The following AHCYL2 variants were observed in gnomAD, a reference collection of about 807,000 sequenced individuals.
AHCYL2 encodes the protein adenosylhomocysteinase like 2.
AHCYL2 carries 28 observed loss-of-function variants against 81.4 expected under a neutral mutation model. That is an observed-to-expected ratio of 0.34 (90% CI 0.25 to 0.47). The LOEUF (loss-of-function observed/expected upper bound fraction) is 0.47. Among genes scored for constraint, AHCYL2 ranks in the 20% least tolerant of loss-of-function variants. The probability of loss-of-function intolerance (pLI) is 1.00; values close to 1 mark genes in which losing one functional copy is unlikely to be tolerated. For missense variants in AHCYL2, 551 were observed against 785.1 expected, an observed-to-expected ratio of 0.70 and a Z score of 3.56; for synonymous variants, 272 against 290.2, an observed-to-expected ratio of 0.94 and a Z score of 0.64.
At chr7:129,299,382 T>G (rs1367002065) in intron 1 of AHCYL2, among the ~76,000 whole-genome samples, 5 of 38,556 alleles carry the variant, frequency 1.3e-4, no homozygotes, top group South Asian at 1.2e-3. Context: ...TTTTTTTTTT[T>G]TTTTTTTTTT....
chr7:129,346,183 G>C (rs1793356549), intron 1 of AHCYL2, among the ~76,000 whole-genome samples: 1 of 152,076 alleles, frequency 6.6e-6, no homozygotes, highest in African/African-American at 2.4e-5. Flanking sequence ...TCAGTATTGT[G>C]TCTCCTTTTT....
intron 2 of AHCYL2, among the ~76,000 whole-genome samples, chr7:129,387,036 A>G (rs974558): frequency 0.34 from 51,283 of 152,152 alleles, 9,564 homozygotes; most frequent in East Asian, 0.6. Flanking sequence ...ATTGCAGTAA[A>G]CACTTTACAT....
rs113408352 is a variant in AHCYL2 at position 129,243,166 on chromosome 7, G to A, written c.363+17727G>A. On this transcript the variant is annotated intron_variant, in intron 1 of 16. Transcript: ENST00000325006. ...CTCCTGAGTAGCTGGGATTACAGGCGCCTGCCACTGTGCCCAGCTAATTTT... is the reference window on the plus strand; with the variant it reads ...CTCCTGAGTAGCTGGGATTACAGGCACCTGCCACTGTGCCCAGCTAATTTT... Among the ~76,000 whole-genome samples the A allele has an allele frequency of 6.4e-3, 970 of 151,592 alleles. 10 individuals are homozygous for A. Among genetic ancestry groups the A allele is most frequent in the African/African-American group, 0.022 (917 of 41,352 alleles).
chr7:129,260,167 G>A (rs1387640809), intron 1 of AHCYL2, among the ~76,000 whole-genome samples: 1 of 151,452 alleles, frequency 6.6e-6, no homozygotes. Flanking sequence ...GCCAGTTAAG[G>A]CTTTTTACTT....
chr7:129,348,233 A>G (rs1262310367), intron 1 of AHCYL2, among the ~76,000 whole-genome samples: 1 of 152,228 alleles, frequency 6.6e-6, no homozygotes, highest in African/African-American at 2.4e-5. Flanking sequence ...TTAAATAAAT[A>G]TTGGTATATC....
intron 1 of AHCYL2, among the ~76,000 whole-genome samples, chr7:129,256,975 T>C (rs1001946908): frequency 6.6e-6 from 1 of 152,118 alleles, no homozygotes; most frequent in African/African-American, 2.4e-5. Flanking sequence ...TGAAGAGGCA[T>C]AGATAACCCC....
At chr7:129,351,878 T>C (rs533625196) in intron 1 of AHCYL2, among the ~76,000 whole-genome samples, 20 of 152,340 alleles carry the variant, frequency 1.3e-4, no homozygotes, top group African/African-American at 4.6e-4. Flanking sequence ...CATTTTGCAC[T>C]AATGGTATAT....
At chr7:129,339,142 C>T (rs1793068946) in intron 1 of AHCYL2, among the ~76,000 whole-genome samples, 1 of 152,194 alleles carries the variant, frequency 6.6e-6, no homozygotes, top group Admixed American at 6.5e-5. Flanking sequence ...ACTTCTCCCT[C>T]GGTTCTAACT....
At chr7:129,293,471 T>C (rs1000456808) in intron 1 of AHCYL2, among the ~76,000 whole-genome samples, 1 of 151,614 alleles carries the variant, frequency 6.6e-6, no homozygotes, top group South Asian at 2.1e-4. Flanking sequence ...AGCCCAGGAG[T>C]TTGAGACCAG....
intron 1 of AHCYL2, among the ~76,000 whole-genome samples, chr7:129,344,727 A>G (rs1334582085): frequency 6.6e-6 from 1 of 152,230 alleles, no homozygotes; most frequent in African/African-American, 2.4e-5. Context: ...TATAGTGAAC[A>G]AAGGAGTGAG....
At chr7:129,331,646 A>T (rs1798426007) in intron 1 of AHCYL2, among the ~76,000 whole-genome samples, 1 of 151,838 alleles carries the variant, frequency 6.6e-6, no homozygotes, top group Admixed American at 6.6e-5. Flanking sequence ...GTTCAAGACC[A>T]GCCTGGCCAA....
At chr7:129,281,398 A>C (rs1005355794) in intron 1 of AHCYL2, among the ~76,000 whole-genome samples, 4 of 150,932 alleles carry the variant, frequency 2.7e-5, no homozygotes, top group Non-Finnish European at 5.9e-5. Flanking sequence ...TCTTCTTTTC[A>C]GTGTTCTAGA....
chr7:129,261,010 G>A (rs769604890), intron 1 of AHCYL2, among the ~76,000 whole-genome samples: 3 of 152,018 alleles, frequency 2.0e-5, no homozygotes, highest in Admixed American at 6.6e-5. Flanking sequence ...GGCTGGTCTC[G>A]AACTCCTGAC....
intron 1 of AHCYL2, among the ~76,000 whole-genome samples, chr7:129,344,845 C>A (rs1454515860): frequency 6.6e-6 from 1 of 152,070 alleles, no homozygotes; most frequent in Non-Finnish European, 1.5e-5. Flanking sequence ...AGGGAACAGA[C>A]TGTAGCTCAA....
chr7:129,382,391 G>A (rs1032825408), intron 2 of AHCYL2, among the ~76,000 whole-genome samples: 1 of 152,162 alleles, frequency 6.6e-6, no homozygotes. Flanking sequence ...CCTGAGGTCA[G>A]GCATTCAAGA....
intron 1 of AHCYL2, among the ~76,000 whole-genome samples, chr7:129,242,781 A>G (rs1221337387): frequency 2.0e-5 from 3 of 151,942 alleles, no homozygotes; most frequent in Non-Finnish European, 1.5e-5. Context: ...GATATTTCCA[A>G]ATTGCTTTCT....
At chr7:129,288,660 G>A (rs1438248302) in intron 1 of AHCYL2, among the ~76,000 whole-genome samples, 1 of 152,028 alleles carries the variant, frequency 6.6e-6, no homozygotes, top group Non-Finnish European at 1.5e-5. Context: ...GCGCCTGGCA[G>A]TACTTCTATT....
chr7:129,406,315 A>T lies in AHCYL2; in HGVS notation c.1207-63A>T. ...GGAAAGAGGGGGTGCACTTTACCAG[A>T]AGCTTTGAGAAATGGTTTTCTCAGT... On this transcript the variant is annotated intron_variant, in intron 9 of 16. Coordinates refer to ENST00000325006, the MANE Select transcript of AHCYL2 (RefSeq NM_015328.4). The surrounding 1 kb of genome is among the most constrained non-coding windows in gnomAD (Gnocchi z 4.3). 1.3e-6 allele frequency: 2 copies of T among 1,486,796 alleles called. No homozygotes were observed. The highest frequency in any genetic ancestry group is 1.9e-6 in the Non-Finnish European group (2 of 1,066,362). The allele number at this position is 1,486,796 out of a possible 1,614,324, so 92.1% of individuals were successfully genotyped here. A position where few individuals can be genotyped will look rare whatever the true frequency, so the allele number is the denominator to read the frequency against.
intron 1 of AHCYL2, among the ~76,000 whole-genome samples, chr7:129,280,580 G>A (rs558982606): frequency 3.9e-5 from 6 of 152,080 alleles, no homozygotes; most frequent in South Asian, 4.2e-4. Flanking sequence ...TTTACGACTC[G>A]CTTTCTAGTC....
Sources: allele counts gnomAD v4.1 joint callset (sites outside exome capture counted in the v4.1 genomes callset), GRCh38; gene constraint gnomAD v4.1.1; non-coding constraint Gnocchi (gnomAD v3.1); transcripts MANE v1.5; gene names NCBI Gene and HGNC (gene_info 2026-07-23, HGNC 2026-07-21).